Variants in FSTL4 observed in about 807,000 individuals in gnomAD.
The protein encoded by FSTL4 is follistatin like 4, also known as follistatin-related protein 4.
In FSTL4, 28 loss-of-function variants were observed where a neutral mutation model predicts 78.2. The observed-to-expected ratio is 0.36, with a 90% CI of 0.27 to 0.49. The LOEUF is 0.49. Among genes scored for constraint, FSTL4 ranks in the 20% least tolerant of loss-of-function variants. The probability of loss-of-function intolerance (pLI) is 0.98; values close to 1 mark genes in which losing one functional copy is unlikely to be tolerated. For missense variants in FSTL4, 922 were observed against 1,084.9 expected, an observed-to-expected ratio of 0.85 and a Z score of 2.11; for synonymous variants, 422 against 440.5, an observed-to-expected ratio of 0.96 and a Z score of 0.53.
intron 2 of FSTL4, among the ~76,000 whole-genome samples, chr5:133,591,291 A>G (rs2112966940): frequency 6.6e-6 from 1 of 152,344 alleles, no homozygotes. Flanking sequence ...AGAGGAAGGC[A>G]GGCAAACAAA....
At chr5:133,374,339 T>C (rs1474386199) in intron 4 of FSTL4, among the ~76,000 whole-genome samples, 3 of 152,132 alleles carry the variant, frequency 2.0e-5, no homozygotes, top group African/African-American at 7.2e-5. Context: ...AGGAAAGGGG[T>C]CCACACAGGG....
At chr5:133,686,347 C>A in the FSTL4 span, among the ~76,000 whole-genome samples, 4 of 152,100 alleles carry the variant, frequency 2.6e-5, no homozygotes, top group Admixed American at 1.3e-4. Context: ...AGAGAGTGGC[C>A]AGTAGGGTCA....
chr5:133,211,588 C>T (rs1750723437), intron 13 of FSTL4, among the ~76,000 whole-genome samples: 1 of 152,214 alleles, frequency 6.6e-6, no homozygotes, highest in Non-Finnish European at 1.5e-5. Context: ...AAGAAGTAAG[C>T]ATTTCTCCTT....
chr5:133,277,487 C>T (rs2126855084), intron 6 of FSTL4, among the ~76,000 whole-genome samples: 1 of 152,264 alleles, frequency 6.6e-6, no homozygotes, highest in South Asian at 2.1e-4. Flanking sequence ...GTGCACTTTT[C>T]TATGTATGCT....
At chr5:133,255,004 TA>T (rs1436372674) in intron 6 of FSTL4, among the ~76,000 whole-genome samples, 1 of 152,214 alleles carries the variant, frequency 6.6e-6, no homozygotes, top group Non-Finnish European at 1.5e-5. Flanking sequence ...TGCAGCCCTC[TA>T]GGGGGCAACG....
chr5:133,832,804 G>A, the FSTL4 span, among the ~76,000 whole-genome samples: 3 of 152,178 alleles, frequency 2.0e-5, no homozygotes, highest in Non-Finnish European at 4.4e-5. Context: ...AGGCTTTGTG[G>A]TCATATGGCC....
chr5:133,229,684 G>T (rs1283984653), intron 8 of FSTL4, among the ~76,000 whole-genome samples: 1 of 152,204 alleles, frequency 6.6e-6, no homozygotes, highest in Non-Finnish European at 1.5e-5. Flanking sequence ...GCAAAGTGGG[G>T]TGCAGGGAGA....
chr5:133,576,762 T>C (rs2112953504), intron 2 of FSTL4, among the ~76,000 whole-genome samples: 1 of 152,298 alleles, frequency 6.6e-6, no homozygotes, highest in Middle Eastern at 3.4e-3. Context: ...TTAGTACAGA[T>C]GAGATGGAAG....
At chr5:133,628,754 A>C in the FSTL4 span, among the ~76,000 whole-genome samples, 1 of 152,166 alleles carries the variant, frequency 6.6e-6, no homozygotes, top group South Asian at 2.1e-4. Flanking sequence ...AATAGACACA[A>C]TTAAAAAAAT....
At chr5:133,382,329 G>A (rs1755593302) in intron 4 of FSTL4, among the ~76,000 whole-genome samples, 1 of 152,166 alleles carries the variant, frequency 6.6e-6, no homozygotes, top group Non-Finnish European at 1.5e-5. Context: ...CTGGGGTGCC[G>A]AGGTTTTGCA....
At chr5:133,580,248 C>T (rs1760371996) in intron 2 of FSTL4, among the ~76,000 whole-genome samples, 1 of 152,154 alleles carries the variant, frequency 6.6e-6, no homozygotes, top group Non-Finnish European at 1.5e-5. Context: ...TTGTGGATGC[C>T]TTCCCATCAG....
At chr5:133,239,169 C>T (rs1751754513) in intron 7 of FSTL4, among the ~76,000 whole-genome samples, 1 of 152,194 alleles carries the variant, frequency 6.6e-6, no homozygotes, top group Non-Finnish European at 1.5e-5. Flanking sequence ...CGGGCCTTAG[C>T]TGCCTCCCTG....
intron 4 of FSTL4, among the ~76,000 whole-genome samples, chr5:133,322,916 C>T (rs1477626848): frequency 6.6e-6 from 1 of 152,214 alleles, no homozygotes; most frequent in East Asian, 1.9e-4. Context: ...GCTATGTCCC[C>T]TTAATGGGAT....
At chr5:133,335,106 C>T (rs1392198076) in intron 4 of FSTL4, among the ~76,000 whole-genome samples, 1 of 152,212 alleles carries the variant, frequency 6.6e-6, no homozygotes, top group African/African-American at 2.4e-5. Context: ...GACACGGCAC[C>T]ACCTCCTCAT....
chr5:133,409,440 T>C (rs1458434236), intron 3 of FSTL4, among the ~76,000 whole-genome samples: 3 of 152,164 alleles, frequency 2.0e-5, no homozygotes, highest in Admixed American at 1.3e-4. Context: ...TCTGTGACAA[T>C]AGTGAAGCTA....
At chr5:133,265,376 C>T (rs1752621212) in intron 6 of FSTL4, among the ~76,000 whole-genome samples, 1 of 152,172 alleles carries the variant, frequency 6.6e-6, no homozygotes, top group Non-Finnish European at 1.5e-5. Flanking sequence ...CCCAGATCAT[C>T]TCAACTCAAA....
chr5:133,570,851 C>T (rs2112947564), intron 2 of FSTL4, among the ~76,000 whole-genome samples: 1 of 152,292 alleles, frequency 6.6e-6, no homozygotes, highest in African/African-American at 2.4e-5. Flanking sequence ...GCGACATTTG[C>T]TGTTTTGCAT....
the FSTL4 span, among the ~76,000 whole-genome samples, chr5:133,784,693 G>A: frequency 2.0e-5 from 3 of 151,870 alleles, no homozygotes; most frequent in Non-Finnish European, 4.4e-5. Flanking sequence ...CCTAGCAGTA[G>A]GGCAGAATTA....
chr5:133,256,169 C>T (rs1035465198), intron 6 of FSTL4, among the ~76,000 whole-genome samples: 1 of 152,156 alleles, frequency 6.6e-6, no homozygotes, highest in Non-Finnish European at 1.5e-5. Context: ...GGCTCAGGGG[C>T]CTGCTTGGGA....
Sources: allele counts gnomAD v4.1 joint callset (sites outside exome capture counted in the v4.1 genomes callset), GRCh38; gene constraint gnomAD v4.1.1; transcripts MANE v1.5; gene names NCBI Gene and HGNC (gene_info 2026-07-23, HGNC 2026-07-21).